Variants in TLE4 observed in about 807,000 individuals in gnomAD.
TLE4 encodes the protein transducin-like enhancer protein 4.
TLE4 carries 8 observed loss-of-function variants against 92.8 expected under a neutral mutation model. The ratio of observed to expected loss-of-function variants is 0.09; its 90% CI spans 0.05 to 0.16. The LOEUF (loss-of-function observed/expected upper bound fraction) is 0.16. TLE4 is among the 10% of genes least tolerant of loss of function. The probability of loss-of-function intolerance (pLI) is 1.00; values close to 1 mark genes in which losing one functional copy is unlikely to be tolerated. For synonymous variants in TLE4, 371 were observed against 374.1 expected (o/e 0.99, Z 0.10); for missense variants, 675 against 997.6 (o/e 0.68, Z 4.36).
At chr9:79,675,437 T>G (rs904202934) in intron 8 of TLE4, among the ~76,000 whole-genome samples, 3 of 152,238 alleles carry the variant, frequency 2.0e-5, no homozygotes, top group Non-Finnish European at 4.4e-5. Flanking sequence ...CATAGTGATT[T>G]ATACTTTAAG....
intron 8 of TLE4, among the ~76,000 whole-genome samples, chr9:79,694,539 A>G (rs2067794989): frequency 6.6e-6 from 1 of 152,118 alleles, no homozygotes; most frequent in African/African-American, 2.4e-5. Context: ...TCTCTTAAGT[A>G]TCTATGTCTC....
At chr9:79,619,571 T>G (rs1205068705) in intron 5 of TLE4, among the ~76,000 whole-genome samples, 1 of 152,162 alleles carries the variant, frequency 6.6e-6, no homozygotes, top group Non-Finnish European at 1.5e-5. Flanking sequence ...AGGTTTGATA[T>G]AGGAGAGCAT....
At chr9:79,582,446 A>G (rs2039916735) in intron 4 of TLE4, among the ~76,000 whole-genome samples, 1 of 152,188 alleles carries the variant, frequency 6.6e-6, no homozygotes, top group African/African-American at 2.4e-5. Flanking sequence ...CTGTTGCAGC[A>G]CTGGTGAAGG....
intron 8 of TLE4, among the ~76,000 whole-genome samples, chr9:79,694,232 G>GT (rs2067710593): frequency 6.6e-6 from 1 of 152,184 alleles, no homozygotes; most frequent in Non-Finnish European, 1.5e-5. Context: ...TGTCTGAAAT[G>GT]GCAAGTAGAA....
intron 6 of TLE4, among the ~76,000 whole-genome samples, chr9:79,640,520 C>T (rs935456447): frequency 2.0e-5 from 3 of 151,916 alleles, no homozygotes; most frequent in Non-Finnish European, 2.9e-5. Flanking sequence ...CATTCCTTCT[C>T]TCTTCTGCCC....
chr9:79,582,575 C>T (rs1485844434), intron 4 of TLE4, among the ~76,000 whole-genome samples: 1 of 150,342 alleles, frequency 6.7e-6, no homozygotes, highest in Admixed American at 6.6e-5. Context: ...GTAGAGGAAA[C>T]CAGTTGGGAA....
intron 5 of TLE4, among the ~76,000 whole-genome samples, chr9:79,625,654 A>G (rs993542461): frequency 2.6e-5 from 4 of 152,220 alleles, no homozygotes; most frequent in East Asian, 3.9e-4. Flanking sequence ...TGTTTGGCAC[A>G]TAGTAAGTGC....
intron 8 of TLE4, among the ~76,000 whole-genome samples, chr9:79,681,753 G>A (rs1242239566): frequency 2.0e-5 from 3 of 151,614 alleles, no homozygotes; most frequent in Admixed American, 6.6e-5. Context: ...GAGGGAAGGA[G>A]GGAGAGAAAG....
At chr9:79,713,895 G>A (rs539818307) in intron 14 of TLE4, among the ~76,000 whole-genome samples, 13 of 151,890 alleles carry the variant, frequency 8.6e-5, no homozygotes, top group Non-Finnish European at 1.5e-4. Context: ...AGAGAGTCTC[G>A]GTCTGTCACC....
In TLE4 at chr9:79,572,381, A is replaced by C. The variant is rs2036049486; in HGVS notation, c.-410A>C. On this transcript the variant is annotated 5_prime_UTR_variant, in exon 1 of 20. Coordinates refer to ENST00000376552, the MANE Select transcript of TLE4 (RefSeq NM_007005.6). Reference sequence around the variant, plus strand: ...ACAACCAATTAAAAGACAAATAAAAAAAGTTTGGAGTGGGACGCAGAGCGA... The same window carrying C: ...ACAACCAATTAAAAGACAAATAAAACAAGTTTGGAGTGGGACGCAGAGCGA... 6.6e-6 allele frequency: 1 copy of C among 152,102 alleles called. No individual in the cohort carries two copies. The highest frequency in any genetic ancestry group is 2.4e-5 in the African/African-American group (1 of 41,436). 9.4% of individuals were successfully genotyped at this position (152,102 alleles called of 1,614,324 possible).
chr9:79,706,392 C>CTT (rs911130463), intron 10 of TLE4, among the ~76,000 whole-genome samples: 75 of 146,252 alleles, frequency 5.1e-4, no homozygotes, highest in Non-Finnish European at 8.5e-4. Flanking sequence ...TGTTATTGAT[C>CTT]TTTTTTTTTT....
rs1435785459 is a variant in TLE4 at position 79,652,706 on chromosome 9, G to A, written c.504G>A (p.Gly168=). 3 of 1,614,168 alleles carry A rather than the reference G, an allele frequency of 1.9e-6. No individual in the cohort carries two copies. In the Admixed American group the frequency reaches 5.0e-5, roughly 27 times the overall value. The change falls in exon 7 of 20, where the codon GGG becomes GGA. Residue 168 remains glycine (G), a synonymous_variant. Coordinates refer to ENST00000376552, the MANE Select transcript of TLE4 (RefSeq NM_007005.6). ...TTCCACCCATCGGTAGCAGTGCCGG[G>A]CTTCTGGCCCTCTCCAGTGCTCTAG... ...PAIPPIGSSA[G]LLALSSALGG...
At chr9:79,720,622 T>C (rs1032692629) in intron 16 of TLE4, among the ~76,000 whole-genome samples, 1 of 152,150 alleles carries the variant, frequency 6.6e-6, no homozygotes, top group Non-Finnish European at 1.5e-5. Context: ...ACATAATTAA[T>C]GTACATAAAG....
chr9:79,709,769 G>C (rs2072745066), intron 14 of TLE4, 70 bp downstream of exon 14: 4 of 1,335,264 alleles, frequency 3.0e-6, no homozygotes, highest in Non-Finnish European at 4.3e-6. Flanking sequence ...CGTAGACTTA[G>C]AATACCACTA....
chr9:79,698,808 T>C (rs922232692), intron 8 of TLE4, among the ~76,000 whole-genome samples: 2 of 151,248 alleles, frequency 1.3e-5, no homozygotes, highest in Non-Finnish European at 2.9e-5. Flanking sequence ...GACCAAGTAA[T>C]TTTCATTTTA....
chr9:79,675,169 A>G (rs1043637863), intron 8 of TLE4, among the ~76,000 whole-genome samples: 1 of 152,092 alleles, frequency 6.6e-6, no homozygotes, highest in Non-Finnish European at 1.5e-5. Context: ...TACACTTGCA[A>G]TGTTTTGGCT....
intron 7 of TLE4, 179 bp downstream of exon 7, chr9:79,652,973 T>G: frequency 1.3e-6 from 1 of 781,858 alleles, no homozygotes; most frequent in Admixed American, 1.8e-5. Context: ...TTCTAGTGGT[T>G]GGCAAGAGCT....
At chr9:79,660,080 T>C (rs530992328) in intron 8 of TLE4, among the ~76,000 whole-genome samples, 91 of 152,338 alleles carry the variant, frequency 6.0e-4, no homozygotes, top group African/African-American at 2.0e-3. Context: ...CCTGGTGTAA[T>C]TCACCATGAA....
At chr9:79,644,109 C>T (rs926720593) in intron 6 of TLE4, among the ~76,000 whole-genome samples, 2 of 152,058 alleles carry the variant, frequency 1.3e-5, no homozygotes, top group Non-Finnish European at 1.5e-5. Flanking sequence ...GGAGGGATCT[C>T]GTGGGAGGTA....
Sources: allele counts gnomAD v4.1 joint callset (sites outside exome capture counted in the v4.1 genomes callset), GRCh38; gene constraint gnomAD v4.1.1; transcripts MANE v1.5; gene names NCBI Gene and HGNC (gene_info 2026-07-23, HGNC 2026-07-21).